The following MEGF6 variants were observed in gnomAD, a reference collection of about 807,000 sequenced individuals.
MEGF6 encodes the protein multiple EGF like domains 6, also known as multiple epidermal growth factor-like domains protein 6.
MEGF6 carries 184 observed loss-of-function variants against 207.1 expected under a neutral mutation model. That is an observed-to-expected ratio of 0.89 (90% confidence interval 0.79 to 1.00). The LOEUF (loss-of-function observed/expected upper bound fraction) is 1.00. Ranked by LOEUF, MEGF6 falls within the 50% of genes least tolerant of loss-of-function variation. The pLI is 0.00. For synonymous variants in MEGF6, 1,038 were observed against 910.0 expected (o/e 1.14, Z -2.53); for missense variants, 2,282 against 2,202.9 (o/e 1.04, Z -0.72).
At chr1:3,534,680 T>C (rs1270235733) in intron 4 of MEGF6, among the ~76,000 whole-genome samples, 2 of 152,188 alleles carry the variant, frequency 1.3e-5, no homozygotes, top group African/African-American at 4.8e-5. Context: ...GCAGAGACAG[T>C]GTCCAGAGCT....
At chr1:3,544,315 GACCTGA>G (rs1201816369) in intron 4 of MEGF6, among the ~76,000 whole-genome samples, 1 of 149,860 alleles carries the variant, frequency 6.7e-6, no homozygotes, top group Non-Finnish European at 1.5e-5. Context: ...GGAGCCCACA[GACCTGA>G]ACAGGGGCTC....
At chr1:3,523,079 G>GGGA (rs1557747111) in intron 5 of MEGF6, among the ~76,000 whole-genome samples, 1 of 151,586 alleles carries the variant, frequency 6.6e-6, no homozygotes, top group African/African-American at 2.4e-5. Flanking sequence ...TGTGCCGGGG[G>GGGA]GGGGGCCCCA....
At chr1:3,498,664 G>T (rs544781141) in intron 25 of MEGF6, 34 bp downstream of exon 25, 1 of 1,531,016 alleles carries the variant, frequency 6.5e-7, no homozygotes. Context: ...CAAGCATGCT[G>T]GGGTATGTCC....
At chr1:3,502,048 CCCGGCGCCTCCT>C (rs1640912062) in intron 17 of MEGF6, 127 bp from the exon 18 acceptor site, 46 of 1,190,476 alleles carry the variant, frequency 3.9e-5, no homozygotes, top group South Asian at 8.3e-5. Flanking sequence ...AGTGTGCCCC[CCCGGCGCCTCCT>C]CACATGGGCT....
intron 4 of MEGF6, 63 bp from the exon 5 acceptor site, chr1:3,524,309 G>A: frequency 1.3e-6 from 2 of 1,575,572 alleles, no homozygotes; most frequent in Non-Finnish European, 1.7e-6. Context: ...TGCCAACACA[G>A]CCCCCCAGGT....
chr1:3,588,533 T>TGGCCAGGAGG (rs1557800228), intron 3 of MEGF6, among the ~76,000 whole-genome samples: 1 of 6,794 alleles, frequency 1.5e-4, no homozygotes, highest in African/African-American at 6.4e-4. Flanking sequence ...TGGCCAGGAG[T>TGGCCAGGAGG]GGCCAGGAGG....
At chr1:3,527,854 G>C (rs1033403164) in intron 4 of MEGF6, among the ~76,000 whole-genome samples, 2 of 152,140 alleles carry the variant, frequency 1.3e-5, no homozygotes, top group African/African-American at 2.4e-5. Flanking sequence ...GGAACGCTGG[G>C]ACTCCAGCAT....
chr1:3,553,544 C>T (rs1429434183), intron 4 of MEGF6, among the ~76,000 whole-genome samples: 1 of 152,204 alleles, frequency 6.6e-6, no homozygotes, highest in African/African-American at 2.4e-5. Flanking sequence ...ATGGTGATCC[C>T]TGAGCCAAGT....
At chr1:3,620,380 G>A in the MEGF6 span, among the ~76,000 whole-genome samples, 1 of 152,236 alleles carries the variant, frequency 6.6e-6, no homozygotes, top group African/African-American at 2.4e-5. Flanking sequence ...TCCCATCACA[G>A]GCCCAGAGGC....
rs977478007 is a variant in MEGF6, at chr1:3,491,031, G to T, written c.4517-72C>A. 9 of 1,421,046 alleles carry T rather than the reference G, an allele frequency of 6.3e-6. No homozygotes were observed. In the African/African-American group the frequency reaches 1.1e-4, roughly 18 times the overall value. 88.0% of individuals were successfully genotyped at this position (1,421,046 alleles called of 1,614,324 possible). A position where few individuals can be genotyped will look rare whatever the true frequency, so the allele number is the denominator to read the frequency against. On this transcript the variant is annotated intron_variant, in intron 35 of 36. Coordinates refer to ENST00000356575, the MANE Select transcript of MEGF6 (RefSeq NM_001409.4). ...TGAGCCACAGTAATGGCAGCAAGGC[G>T]TGACCCCATCCAGGCCTTCAGGGAC... is the stretch of plus-strand genomic sequence containing the variant.
intron 4 of MEGF6, among the ~76,000 whole-genome samples, chr1:3,576,851 T>C (rs1276268002): frequency 7.7e-6 from 1 of 130,034 alleles, no homozygotes; most frequent in Non-Finnish European, 1.6e-5. Flanking sequence ...CCATCCTGCA[T>C]GCCCAGCCCT....
intron 4 of MEGF6, among the ~76,000 whole-genome samples, chr1:3,564,952 T>C (rs1424930204): frequency 6.6e-6 from 1 of 152,102 alleles, no homozygotes; most frequent in Non-Finnish European, 1.5e-5. Context: ...AGCCGAGGCA[T>C]TCTCCAGCCC....
At chr1:3,612,363 A>G (rs866499917), upstream of MEGF6, among the ~76,000 whole-genome samples, 2 of 151,076 alleles carry the variant, frequency 1.3e-5, no homozygotes, top group South Asian at 4.1e-4. Context: ...GTCTAGGGTG[A>G]GGCTTCTGCG....
rs12758994 is a variant in MEGF6, at chr1:3,578,923, G to A, written c.481+902C>T. On this transcript the variant is annotated intron_variant, in intron 4 of 36. Coordinates refer to ENST00000356575, the MANE Select transcript of MEGF6 (RefSeq NM_001409.4). ...CCCAGCGCAACGTGGAGTGGGCAGG[G>A]GTGTCCTTCACAAACACGGGGACCT... Among the ~76,000 whole-genome samples, 1,124 of 112,762 alleles carry A rather than the reference G, an allele frequency of 1.0e-2. 24 individuals carry two copies. The highest frequency in any genetic ancestry group is 0.027 in the African/African-American group (651 of 23,954). The allele number at this position is 112,762 out of a possible 152,430, so 74.0% of individuals were successfully genotyped here. A position where few individuals can be genotyped will look rare whatever the true frequency, so the allele number is the denominator to read the frequency against.
At chr1:3,501,769 G>A (rs748909148) in intron 18 of MEGF6, 27 bp downstream of exon 18, 51 of 1,607,122 alleles carry the variant, frequency 3.2e-5, no homozygotes, top group East Asian at 1.1e-4. Flanking sequence ...CTGGGGAGGC[G>A]GAACTGGGGC....
intron 4 of MEGF6, among the ~76,000 whole-genome samples, chr1:3,563,026 T>C (rs59493396): frequency 0.011 from 1,682 of 152,126 alleles, 27 homozygotes; most frequent in African/African-American, 0.038. Context: ...CCTGGACTTC[T>C]GTCATCCCCT....
Position 3,497,280 on chromosome 1 carries a change from C to A in MEGF6, c.3434G>T (p.Gly1145Val). ...GAAGCCAGGGGGACAGCGGCAGGCC[C>A]CAGTGACGTGGTGGCAGGCAGCGCC... The part of the protein sequence containing the change: ...PPGAACHHVT[G>V]ACRCPPGFTG... Residue 1145 changes from glycine (G) to valine (V), a missense_variant, in exon 27 of 37, where the codon GGG becomes GTG. Physicochemically the swap from Gly to Val is moderately radical, Grantham distance 109. Coordinates refer to ENST00000356575, the MANE Select transcript of MEGF6 (RefSeq NM_001409.4). 1 of 1,551,198 alleles carries A rather than the reference C, an allele frequency of 6.4e-7. No individual in the cohort carries two copies.
chr1:3,501,141 A>G (rs1640844629), intron 19 of MEGF6, 36 bp downstream of exon 19: 12 of 1,612,566 alleles, frequency 7.4e-6, no homozygotes, highest in Non-Finnish European at 1.0e-5. Context: ...CACCTACCCC[A>G]GGTCAAAGGC....
chr1:3,582,245 G>A (rs1643815727), intron 3 of MEGF6, among the ~76,000 whole-genome samples: 1 of 152,226 alleles, frequency 6.6e-6, no homozygotes, highest in African/African-American at 2.4e-5. Context: ...CAGGCTGGGA[G>A]GGTACAGCCA....
Sources: allele counts gnomAD v4.1 joint callset (sites outside exome capture counted in the v4.1 genomes callset), GRCh38; gene constraint gnomAD v4.1.1; transcripts MANE v1.5; gene names NCBI Gene and HGNC (gene_info 2026-07-23, HGNC 2026-07-21).